Variants in ORC2 observed in about 807,000 individuals in gnomAD.
The protein encoded by ORC2 is origin recognition complex subunit 2, also known as origin recognition complex protein 2 homolog.
ORC2 carries 37 observed loss-of-function variants against 77.7 expected under a neutral mutation model. The observed-to-expected ratio is 0.48, with a 90% confidence interval of 0.37 to 0.63. The LOEUF is 0.63. ORC2 is among the 20% of genes least tolerant of loss of function. The pLI is 0.00. For missense variants in ORC2, 557 were observed against 661.9 expected (o/e 0.84, Z 1.74); for synonymous variants, 201 against 229.5 (o/e 0.88, Z 1.12).
In ORC2 at chr2:200,957,514, A is replaced by T; in HGVS notation, c.125T>A (p.Leu42His). The T allele has an allele frequency of 6.2e-7, 1 of 1,609,738 alleles. No homozygotes were observed. Among genetic ancestry groups the T allele is most frequent in the Non-Finnish European group, 8.5e-7 (1 of 1,177,936 alleles). Residue 42 changes from leucine to histidine, a missense_variant, in exon 4 of 18, where the codon CTT (leucine) becomes CAT (histidine). By Grantham distance (99) the Leu-to-His change is moderately conservative (BLOSUM62 -3). Coordinates refer to ENST00000234296, the MANE Select transcript of ORC2 (RefSeq NM_006190.5). ...GAKLKKERAQ[L>H]LVNPKKIIKK... ...TATTATTTTTTTGGGGTTGACCAAA[A>T]GCTGCGCTCGCTCCTTCTTCAATTT...
At chr2:200,927,817 C>T (rs1224672878) in intron 11 of ORC2, among the ~76,000 whole-genome samples, 1 of 151,262 alleles carries the variant, frequency 6.6e-6, no homozygotes, top group Non-Finnish European at 1.5e-5. Flanking sequence ...CCTGCCTCAG[C>T]CTCCTGAGCA....
chr2:200,920,281 A>G lies in ORC2; in HGVS notation c.1407T>C (p.Ser469=). The change falls in exon 15 of 18, where the codon TCT becomes TCC. Residue 469 remains serine, a synonymous_variant. Coordinates refer to ENST00000234296, the MANE Select transcript of ORC2 (RefSeq NM_006190.5). The part of the protein sequence containing the change: ...SYENSLLVKQ[S]GSLPLSSLTH... ...TAAGGGAGCTAAGTGGCAGGGATCC[A>G]GACTGCTTTACCAGAAGAGAGTTCT... is the stretch of plus-strand genomic sequence containing the variant. 1 of 1,613,974 alleles carries G rather than the reference A, an allele frequency of 6.2e-7. No homozygotes were observed. The highest frequency in any genetic ancestry group is 8.5e-7 in the Non-Finnish European group (1 of 1,179,900).
intron 9 of ORC2, among the ~76,000 whole-genome samples, chr2:200,935,367 C>G (rs879519000): frequency 2.6e-5 from 4 of 152,230 alleles, no homozygotes; most frequent in Admixed American, 2.6e-4. Flanking sequence ...AGGTGATCCA[C>G]CCGCCTTGGC....
intron 5 of ORC2, among the ~76,000 whole-genome samples, chr2:200,949,353 T>G (rs995673147): frequency 6.6e-6 from 1 of 152,074 alleles, no homozygotes; most frequent in Non-Finnish European, 1.5e-5. Context: ...AGAAGACATC[T>G]GAGCATGAAA....
chr2:200,942,713 A>T lies in ORC2; in HGVS notation c.393T>A (p.Ile131=), dbSNP rs1340447367. ...TGCTACTTTGAGGAACGTTTATCGT[A>T]ATCTCAGGATCATTCTTCAAACTGA... ...VSFSLKNDPE[I]TINVPQSSKG... The change falls in exon 6 of 18, where the codon ATT becomes ATA. Residue 131 remains isoleucine, a synonymous_variant. Transcript: ENST00000234296. 2.5e-6 allele frequency: 4 copies of T among 1,608,092 alleles called. No individual in the cohort carries two copies. Among genetic ancestry groups the T allele is most frequent in the Non-Finnish European group, 2.5e-6 (3 of 1,176,608 alleles).
chr2:200,962,541 T>G (rs1016402005), intron 1 of ORC2, among the ~76,000 whole-genome samples: 2 of 152,246 alleles, frequency 1.3e-5, no homozygotes, highest in African/African-American at 4.8e-5. Flanking sequence ...AATGAAATGA[T>G]GTGCCTGATA....
chr2:200,944,060 T>C (rs2125007483), intron 5 of ORC2, among the ~76,000 whole-genome samples: 1 of 152,334 alleles, frequency 6.6e-6, no homozygotes, highest in South Asian at 2.1e-4. Context: ...TGAGATCATT[T>C]TGGTGTTATA....
chr2:200,928,320 C>CA (rs747060953), intron 11 of ORC2, among the ~76,000 whole-genome samples: 2 of 151,974 alleles, frequency 1.3e-5, no homozygotes, highest in Non-Finnish European at 2.9e-5. Context: ...CACATCACTA[C>CA]ATTCCAGCCT....
intron 5 of ORC2, among the ~76,000 whole-genome samples, chr2:200,947,760 G>C (rs1310211422): frequency 6.6e-6 from 1 of 152,040 alleles, no homozygotes; most frequent in Non-Finnish European, 1.5e-5. Flanking sequence ...TTTTGAGACA[G>C]GGTTTCACTC....
chr2:200,953,098 G>A (rs555267875), intron 4 of ORC2, among the ~76,000 whole-genome samples: 1 of 139,608 alleles, frequency 7.2e-6, no homozygotes, highest in South Asian at 2.4e-4. Flanking sequence ...AGGTGACAGA[G>A]TGAGACCCTG....
chr2:200,935,951 G>A, intron 8 of ORC2, 59 bp from the exon 9 acceptor site: 1 of 1,471,006 alleles, frequency 6.8e-7, no homozygotes, highest in Non-Finnish European at 9.3e-7. Flanking sequence ...GAGGCATTGT[G>A]GGGTAAAGCA....
chr2:200,927,026 A>T, intron 11 of ORC2, 126 bp from the exon 12 acceptor site: 1 of 964,836 alleles, frequency 1.0e-6, no homozygotes, highest in Non-Finnish European at 1.5e-6. Context: ...CACTGGCTCA[A>T]GCCTGTAATC....
chr2:200,927,929 G>A (rs1051772756), intron 11 of ORC2, among the ~76,000 whole-genome samples: 3 of 151,490 alleles, frequency 2.0e-5, no homozygotes, highest in Non-Finnish European at 4.4e-5. Flanking sequence ...CTCAGGTGAT[G>A]TGCCTGCCTT....
At position 200,950,373 on chromosome 2, in the gene ORC2, T is replaced by C. The variant is rs76846685; in HGVS notation, c.239-730A>G. Reference sequence around the variant, plus strand: ...ACAGATCCTGACTTAACTGACATTCTTCAATCTCCTCTTTAAATATCAACT... The same window carrying C: ...ACAGATCCTGACTTAACTGACATTCCTCAATCTCCTCTTTAAATATCAACT... On this transcript the variant is annotated intron_variant, in intron 4 of 17. Coordinates refer to ENST00000234296, the MANE Select transcript of ORC2 (RefSeq NM_006190.5). 1.9e-3 allele frequency among the ~76,000 whole-genome samples: 291 copies of C among 152,214 alleles called. 1 individual carries two copies. Among genetic ancestry groups the C allele is most frequent in the African/African-American group, 6.3e-3 (263 of 41,540 alleles).
chr2:200,962,704 A>G (rs1248925188), intron 1 of ORC2, among the ~76,000 whole-genome samples: 2 of 152,244 alleles, frequency 1.3e-5, no homozygotes, highest in African/African-American at 2.4e-5. Context: ...CTCATTCAAC[A>G]TCTAACAGAA....
At chr2:200,947,201 C>A (rs912466737) in intron 5 of ORC2, among the ~76,000 whole-genome samples, 3 of 151,788 alleles carry the variant, frequency 2.0e-5, no homozygotes, top group Non-Finnish European at 4.4e-5. Flanking sequence ...CGCGACCAAC[C>A]AAAAAAACTT....
chr2:200,929,360 C>T (rs1218315894), intron 11 of ORC2, among the ~76,000 whole-genome samples: 2 of 152,028 alleles, frequency 1.3e-5, no homozygotes, highest in African/African-American at 4.8e-5. Context: ...GGGGAATGGA[C>T]AGGAAGGAAC....
intron 1 of ORC2, chr2:200,963,140 G>C (rs549033497): frequency 3.8e-4 from 102 of 268,382 alleles, no homozygotes; most frequent in Non-Finnish European, 6.3e-4. Flanking sequence ...AGGTAGGTTA[G>C]TATCAGGCGT....
rs1399856703 is a variant in ORC2, at chr2:200,911,787, AC to A, written c.1648-401del. ...CCAATTTTTCAGTAACCCTCACTACACACCTTCATTCCTCTCCATCTATCAC... is the reference window on the plus strand; with the variant it reads ...CCAATTTTTCAGTAACCCTCACTACAACCTTCATTCCTCTCCATCTATCAC... On this transcript the variant is annotated intron_variant, in intron 17 of 17. Transcript: ENST00000234296. Among the ~76,000 whole-genome samples the A allele has an allele frequency of 2.0e-5, 3 of 152,150 alleles. No homozygotes were observed. The East Asian group carries it at 5.8e-4, about 29-fold the overall frequency.
Sources: gnomAD v4.1 joint callset for allele counts (sites outside exome capture counted in the v4.1 genomes callset) on GRCh38, gnomAD v4.1.1 for gene constraint, MANE v1.5 for transcripts, NCBI Gene and HGNC (gene_info 2026-07-23, HGNC 2026-07-21) for gene names.